BBX: variants seen among roughly 807,000 people sequenced by gnomAD.
BBX encodes HMG box transcription factor BBX.
In BBX, 30 loss-of-function variants were observed where a neutral mutation model predicts 100.2. The ratio of observed to expected loss-of-function variants is 0.30; its 90% confidence interval spans 0.22 to 0.41. The LOEUF (loss-of-function observed/expected upper bound fraction) is 0.41, where lower values mean the gene tolerates loss of function less well. Among genes scored for constraint, BBX ranks in the 10% least tolerant of loss-of-function variants. The pLI, the probability that BBX is intolerant of heterozygous loss-of-function variation, is 1.00. For synonymous variants in BBX, 376 were observed against 388.1 expected (o/e 0.97, Z 0.37); for missense variants, 1,023 against 1,129.8 (o/e 0.91, Z 1.35).
intron 3 of BBX, among the ~76,000 whole-genome samples, chr3:107,660,928 G>T (rs992075346): frequency 1.8e-4 from 27 of 152,162 alleles, no homozygotes; most frequent in African/African-American, 5.5e-4. Context: ...TTGAGCACCG[G>T]TTCTTTACTA....
chr3:107,657,600 G>A (rs373164242), intron 3 of BBX, among the ~76,000 whole-genome samples: 33 of 152,100 alleles, frequency 2.2e-4, no homozygotes, highest in African/African-American at 7.5e-4. Context: ...TCAAAGATAG[G>A]TTTTTAATTT....
chr3:107,624,768 C>T (rs1234531880), intron 2 of BBX, among the ~76,000 whole-genome samples: 1 of 152,148 alleles, frequency 6.6e-6, no homozygotes, highest in East Asian at 1.9e-4. Flanking sequence ...ACTTGGGAGG[C>T]TGAGGCACAA....
At chr3:107,741,155 G>A (rs189941719) in intron 7 of BBX, among the ~76,000 whole-genome samples, 6 of 151,842 alleles carry the variant, frequency 4.0e-5, no homozygotes, top group African/African-American at 1.2e-4. Flanking sequence ...TGTTCATGCC[G>A]GCAGTGCATG....
intron 2 of BBX, among the ~76,000 whole-genome samples, chr3:107,575,643 G>C (rs1188550599): frequency 6.6e-6 from 1 of 151,028 alleles, no homozygotes; most frequent in African/African-American, 2.4e-5. Context: ...GAGAAGTATA[G>C]TTTCCATGGC....
At chr3:107,658,720 T>TTGTG (rs139059517) in intron 3 of BBX, among the ~76,000 whole-genome samples, 2 of 151,276 alleles carry the variant, frequency 1.3e-5, no homozygotes, top group Admixed American at 6.6e-5. Context: ...ATTTCTTTGT[T>TTGTG]TGTGTGTGTG....
At chr3:107,739,570 C>A (rs1043228172) in intron 7 of BBX, among the ~76,000 whole-genome samples, 2 of 152,168 alleles carry the variant, frequency 1.3e-5, no homozygotes, top group African/African-American at 4.8e-5. Context: ...CTCCGTAAGT[C>A]CCTAAGCTGC....
At chr3:107,598,397 G>T (rs1255948805) in intron 2 of BBX, among the ~76,000 whole-genome samples, 7 of 152,160 alleles carry the variant, frequency 4.6e-5, no homozygotes, top group Non-Finnish European at 8.8e-5. Flanking sequence ...ACTACCTGTA[G>T]CTTATCCCCC....
chr3:107,678,370 C>A (rs566614620), intron 3 of BBX, among the ~76,000 whole-genome samples: 4 of 152,046 alleles, frequency 2.6e-5, no homozygotes, highest in Non-Finnish European at 5.9e-5. Context: ...ATAGTAGGTT[C>A]TCAATAATAT....
intron 2 of BBX, among the ~76,000 whole-genome samples, chr3:107,578,242 C>T (rs1312095308): frequency 2.0e-5 from 3 of 152,106 alleles, no homozygotes; most frequent in Non-Finnish European, 4.4e-5. Context: ...ATTCACTGCA[C>T]TGTAAGAGGG....
At chr3:107,718,853 G>A (rs1420223178) in intron 5 of BBX, among the ~76,000 whole-genome samples, 7 of 152,054 alleles carry the variant, frequency 4.6e-5, no homozygotes, top group Admixed American at 4.6e-4. Context: ...AATTTGCCTT[G>A]TTTGTAGTTG....
intron 3 of BBX, among the ~76,000 whole-genome samples, chr3:107,696,534 C>T (rs559544910): frequency 1.3e-5 from 2 of 151,858 alleles, no homozygotes; most frequent in Non-Finnish European, 2.9e-5. Context: ...CCCCCACTCT[C>T]TTCTGGCTTC....
chr3:107,726,023 G>A (rs540809643), intron 5 of BBX, among the ~76,000 whole-genome samples: 49 of 152,048 alleles, frequency 3.2e-4, no homozygotes, highest in Middle Eastern at 3.4e-3. Flanking sequence ...GTCTGGCCTT[G>A]GATATCTGGG....
chr3:107,524,196 T>C (rs542831297), intron 1 of BBX: 1 of 152,410 alleles, frequency 6.6e-6, no homozygotes, highest in African/African-American at 2.4e-5. Context: ...TTTCTGAAGG[T>C]AAGTTACGGC....
intron 3 of BBX, among the ~76,000 whole-genome samples, chr3:107,694,506 T>C (rs1459930467): frequency 6.8e-6 from 1 of 146,546 alleles, no homozygotes; most frequent in Non-Finnish European, 1.5e-5. Flanking sequence ...TTTATTGATT[T>C]GCGTATATTG....
At chr3:107,696,417 T>G (rs1374701023) in intron 3 of BBX, among the ~76,000 whole-genome samples, 1 of 151,526 alleles carries the variant, frequency 6.6e-6, no homozygotes, top group Non-Finnish European at 1.5e-5. Flanking sequence ...TCTCAGCATT[T>G]GCTTGTCTGT....
chr3:107,550,641 A>G (rs548651353), intron 2 of BBX, among the ~76,000 whole-genome samples: 1 of 152,312 alleles, frequency 6.6e-6, no homozygotes, highest in South Asian at 2.1e-4. Context: ...AGTAACTACA[A>G]GGGAAATGTA....
intron 4 of BBX, among the ~76,000 whole-genome samples, chr3:107,713,544 G>T (rs1399159216): frequency 6.6e-6 from 1 of 152,012 alleles, no homozygotes; most frequent in Non-Finnish European, 1.5e-5. Flanking sequence ...TTTGTATTTT[G>T]TTATTCATGT....
intron 2 of BBX, among the ~76,000 whole-genome samples, chr3:107,570,685 G>A (rs1482470027): frequency 6.6e-6 from 1 of 152,136 alleles, no homozygotes; most frequent in African/African-American, 2.4e-5. Flanking sequence ...TGGGGGAGCG[G>A]AGGCTGAGGA....
intron 3 of BBX, among the ~76,000 whole-genome samples, chr3:107,683,201 T>TG (rs2059660684): frequency 6.6e-6 from 1 of 152,148 alleles, no homozygotes; most frequent in South Asian, 2.1e-4. Context: ...AAAATATTTT[T>TG]ATTGATTGAT....
Sources: allele counts gnomAD v4.1 joint callset (sites outside exome capture counted in the v4.1 genomes callset), GRCh38; gene constraint gnomAD v4.1.1; transcripts MANE v1.5; gene names NCBI Gene and HGNC (gene_info 2026-07-23, HGNC 2026-07-21).